KLHL13: variants seen among roughly 807,000 people sequenced by gnomAD.
KLHL13 encodes the protein kelch like family member 13.
A neutral mutation model predicts 37.1 loss-of-function variants in KLHL13; 10 were observed. That is an observed-to-expected ratio of 0.27 (90% CI 0.17 to 0.46). The LOEUF (loss-of-function observed/expected upper bound fraction) is 0.46, where lower values mean the gene tolerates loss of function less well. Among genes scored for constraint, KLHL13 ranks in the 20% least tolerant of loss-of-function variants. The pLI is 1.00. For synonymous variants in KLHL13, 163 were observed against 181.2 expected (o/e 0.90, Z 0.81); for missense variants, 360 against 509.3 (o/e 0.71, Z 2.82).
chrX:117,967,860 C>G (rs1301533935), intron 1 of KLHL13, among the ~76,000 whole-genome samples: 1 of 111,823 alleles, frequency 8.9e-6, no homozygotes, highest in African/African-American at 3.2e-5. Flanking sequence ...CAGTGAGGAG[C>G]AAGCAATCTG....
At chrX:118,106,227 A>C (rs944089455) in intron 1 of KLHL13, among the ~76,000 whole-genome samples, 1 of 110,340 alleles carries the variant, frequency 9.1e-6, no homozygotes, top group African/African-American at 3.3e-5. Context: ...GTACAAAAGC[A>C]TTGGATTAGA....
chrX:117,927,711 T>C (rs1169909716), intron 2 of KLHL13, among the ~76,000 whole-genome samples: 3 of 111,656 alleles, frequency 2.7e-5, no homozygotes, highest in Non-Finnish European at 5.7e-5. Context: ...TTATACTAAG[T>C]AAAAGAAACC....
intron 4 of KLHL13, among the ~76,000 whole-genome samples, chrX:117,914,515 A>G (rs1327142014): frequency 9.0e-6 from 1 of 111,541 alleles, no homozygotes; most frequent in Non-Finnish European, 1.9e-5. Context: ...AACCATGTCC[A>G]CAGAATAAGA....
intron 1 of KLHL13, among the ~76,000 whole-genome samples, chrX:118,091,268 T>TA (rs2055130854): frequency 9.0e-6 from 1 of 110,776 alleles, no homozygotes; most frequent in African/African-American, 3.3e-5. Flanking sequence ...CCCTAAAACT[T>TA]AAAGTATAAT....
intron 1 of KLHL13, among the ~76,000 whole-genome samples, chrX:118,058,535 T>C (rs1194856177): frequency 8.9e-6 from 1 of 111,984 alleles, no homozygotes; most frequent in Non-Finnish European, 1.9e-5. Flanking sequence ...AGGTATTACT[T>C]CTTCTGGGTC....
At chrX:118,051,579 A>G (rs1480951228) in intron 1 of KLHL13, among the ~76,000 whole-genome samples, 1 of 110,894 alleles carries the variant, frequency 9.0e-6, no homozygotes, top group Admixed American at 9.7e-5. Flanking sequence ...AGAAAAATAA[A>G]ATTTTATGGA....
intron 1 of KLHL13, among the ~76,000 whole-genome samples, chrX:118,103,536 A>T (rs1443236166): frequency 8.9e-6 from 1 of 112,265 alleles, no homozygotes; most frequent in Non-Finnish European, 1.9e-5. Context: ...GGTAAAATTA[A>T]AAGTAAGAAA....
intron 1 of KLHL13, among the ~76,000 whole-genome samples, chrX:118,038,441 C>T (rs1185487976): frequency 9.0e-6 from 1 of 111,708 alleles, no homozygotes; most frequent in Non-Finnish European, 1.9e-5. Flanking sequence ...CATCACCACC[C>T]CTCCATCCCC....
At chrX:118,109,013 G>A (rs957703133) in intron 1 of KLHL13, among the ~76,000 whole-genome samples, 3 of 111,208 alleles carry the variant, frequency 2.7e-5, no homozygotes, top group African/African-American at 9.8e-5. Context: ...ACAGGGTCTC[G>A]CTTTGTTGCC....
chrX:117,923,657 T>C (rs1931844702), intron 2 of KLHL13, among the ~76,000 whole-genome samples: 1 of 111,824 alleles, frequency 8.9e-6, no homozygotes, highest in Non-Finnish European at 1.9e-5. Context: ...TATTACTTTT[T>C]TTTCCCTCTG....
At chrX:118,038,325 T>A (rs1193612207) in intron 1 of KLHL13, among the ~76,000 whole-genome samples, 1 of 112,137 alleles carries the variant, frequency 8.9e-6, no homozygotes, top group East Asian at 2.8e-4. Flanking sequence ...AAAAAGAACT[T>A]TCATAACAAC....
chrX:117,973,453 A>C (rs2053556563), exon 1 of KLHL13: 1 of 953,590 alleles, frequency 1.0e-6, no homozygotes, highest in Non-Finnish European at 1.3e-6. Context: ...CCTCCTGTGC[A>C]AGCTCTGGCC....
intron 1 of KLHL13, among the ~76,000 whole-genome samples, chrX:118,106,067 ATT>A (rs1228266636): frequency 2.3e-4 from 20 of 86,423 alleles, no homozygotes; most frequent in African/African-American, 6.8e-4. Flanking sequence ...ACGCCCAGCT[ATT>A]TTTTTTTTTT....
chrX:118,017,585 C>G (rs763103585), intron 1 of KLHL13, among the ~76,000 whole-genome samples: 1 of 110,896 alleles, frequency 9.0e-6, no homozygotes, highest in Non-Finnish European at 1.9e-5. Context: ...TGACTTCACT[C>G]ATAAAGCCTG....
chrX:118,082,359 T>C (rs965021527), intron 1 of KLHL13, among the ~76,000 whole-genome samples: 1 of 111,818 alleles, frequency 8.9e-6, no homozygotes, highest in Non-Finnish European at 1.9e-5. Context: ...TGATGACTAG[T>C]GATGTTGAGC....
intron 1 of KLHL13, among the ~76,000 whole-genome samples, chrX:118,113,123 G>A (rs1436865973): frequency 8.9e-6 from 1 of 111,921 alleles, no homozygotes; most frequent in African/African-American, 3.2e-5. Flanking sequence ...CAATGTGACA[G>A]TGGAAAGTAA....
At chrX:117,973,464 A>T in exon 1 of KLHL13, 2 of 940,459 alleles carry the variant, frequency 2.1e-6, no homozygotes, top group Non-Finnish European at 2.7e-6. Context: ...AGCTCTGGCC[A>T]CACAAATCAA....
chrX:117,946,836 A>G (rs1318778087), intron 1 of KLHL13: 1 of 112,092 alleles, frequency 8.9e-6, no homozygotes, highest in Non-Finnish European at 1.9e-5. Context: ...AAAAGACCAT[A>G]CTAAAGATTC....
At chrX:117,920,507 A>G (rs1384809127) in intron 2 of KLHL13, 137 bp from the exon 4 acceptor site, 6 of 593,503 alleles carry the variant, frequency 1.0e-5, no homozygotes, top group African/African-American at 2.4e-5. Context: ...GGGAGAAGAA[A>G]AAATAACTGC....
Sources: allele counts gnomAD v4.1 joint callset (sites outside exome capture counted in the v4.1 genomes callset), GRCh38; gene constraint gnomAD v4.1.1; transcripts MANE v1.5; gene names NCBI Gene and HGNC (gene_info 2026-07-23, HGNC 2026-07-21).